The following KIAA1217 variants were observed in gnomAD, a reference collection of about 807,000 sequenced individuals.
KIAA1217 encodes the protein KIAA1217, also known as sickle tail protein homolog.
Under a neutral mutation model 163.9 loss-of-function variants are expected in KIAA1217, and 88 were observed. The ratio of observed to expected loss-of-function variants is 0.54; its 90% CI spans 0.45 to 0.64. The LOEUF (loss-of-function observed/expected upper bound fraction) is 0.64, where lower values mean the gene tolerates loss of function less well. Among genes scored for constraint, KIAA1217 ranks in the 30% least tolerant of loss-of-function variants. The pLI, the probability that KIAA1217 is intolerant of heterozygous loss-of-function variation, is 0.00. For missense variants in KIAA1217, 2,372 were observed against 2,475.0 expected, an observed-to-expected ratio of 0.96 and a Z score of 0.88; for synonymous variants, 903 against 923.1, an observed-to-expected ratio of 0.98 and a Z score of 0.39.
intron 2 of KIAA1217, among the ~76,000 whole-genome samples, chr10:24,319,923 A>C (rs2043920085): frequency 6.6e-6 from 1 of 152,246 alleles, no homozygotes. Context: ...TACATTCGGG[A>C]AAATGTTTCC....
At chr10:24,492,735 A>G (rs199763046) in intron 6 of KIAA1217, among the ~76,000 whole-genome samples, 26 of 152,274 alleles carry the variant, frequency 1.7e-4, no homozygotes, top group East Asian at 1.4e-3. Context: ...CAAGGCCGCA[A>G]TGCTTGAGTT....
intron 1 of KIAA1217, among the ~76,000 whole-genome samples, chr10:23,696,281 C>T (rs955130895): frequency 1.3e-5 from 2 of 152,216 alleles, no homozygotes; most frequent in African/African-American, 2.4e-5. Flanking sequence ...GGCCAGCTCG[C>T]CTACCCTGCT....
intron 2 of KIAA1217, among the ~76,000 whole-genome samples, chr10:24,317,249 C>A (rs1038448424): frequency 6.6e-6 from 1 of 152,018 alleles, no homozygotes; most frequent in Non-Finnish European, 1.5e-5. Flanking sequence ...TGACAAGGGT[C>A]TTTTGTCCGC....
chr10:24,033,801 G>A (rs373749295), intron 2 of KIAA1217, among the ~76,000 whole-genome samples: 9 of 152,304 alleles, frequency 5.9e-5, no homozygotes, highest in African/African-American at 1.9e-4. Flanking sequence ...TACAAACAAA[G>A]TTTTATTGGA....
chr10:23,748,953 G>A (rs566290584), intron 1 of KIAA1217, among the ~76,000 whole-genome samples: 1 of 152,238 alleles, frequency 6.6e-6, no homozygotes, highest in East Asian at 1.9e-4. Flanking sequence ...CTCAATACTA[G>A]TGAACTTCAT....
chr10:24,280,534 G>C (rs184562330), intron 2 of KIAA1217, among the ~76,000 whole-genome samples: 113 of 152,268 alleles, frequency 7.4e-4, no homozygotes, highest in African/African-American at 2.6e-3. Context: ...AAACCTGGCC[G>C]GGCGTGGTGA....
At chr10:24,292,856 G>A (rs1313409419) in intron 2 of KIAA1217, among the ~76,000 whole-genome samples, 3 of 151,724 alleles carry the variant, frequency 2.0e-5, no homozygotes, top group South Asian at 2.1e-4. Context: ...AATCCTGAGC[G>A]CATCCTGGAT....
At chr10:24,111,903 C>T (rs370435312) in intron 2 of KIAA1217, among the ~76,000 whole-genome samples, 1 of 152,112 alleles carries the variant, frequency 6.6e-6, no homozygotes, top group Non-Finnish European at 1.5e-5. Flanking sequence ...ATGTAGCTGG[C>T]ACCACAGGCA....
chr10:23,958,685 T>C (rs1475398282), intron 1 of KIAA1217, among the ~76,000 whole-genome samples: 1 of 151,308 alleles, frequency 6.6e-6, no homozygotes, highest in Non-Finnish European at 1.5e-5. Flanking sequence ...GAGTGAGAGA[T>C]TGTTTGGTTG....
At chr10:23,716,100 C>T (rs1837551464) in intron 1 of KIAA1217, among the ~76,000 whole-genome samples, 1 of 152,240 alleles carries the variant, frequency 6.6e-6, no homozygotes, top group East Asian at 1.9e-4. Flanking sequence ...ACTAACGCTG[C>T]ATGCAAGAGA....
At chr10:24,409,087 A>C (rs975434472) in intron 3 of KIAA1217, among the ~76,000 whole-genome samples, 2 of 152,158 alleles carry the variant, frequency 1.3e-5, no homozygotes, top group Non-Finnish European at 2.9e-5. Context: ...TTTTACATAC[A>C]CAGTCTTATT....
intron 2 of KIAA1217, among the ~76,000 whole-genome samples, chr10:24,379,584 C>T (rs971493557): frequency 6.6e-6 from 1 of 152,064 alleles, no homozygotes; most frequent in Non-Finnish European, 1.5e-5. Flanking sequence ...CTGGATAATG[C>T]AATTGGTTCT....
intron 1 of KIAA1217, among the ~76,000 whole-genome samples, chr10:23,811,635 A>T (rs138295883): frequency 6.6e-6 from 1 of 151,958 alleles, no homozygotes; most frequent in Non-Finnish European, 1.5e-5. Flanking sequence ...TAGATGTACA[A>T]CTTGGGAAAT....
chr10:23,971,663 C>G (rs1328302149), intron 1 of KIAA1217, among the ~76,000 whole-genome samples: 1 of 152,152 alleles, frequency 6.6e-6, no homozygotes, highest in Non-Finnish European at 1.5e-5. Flanking sequence ...AGTATTTTAC[C>G]CTAAAATTTA....
intron 1 of KIAA1217, among the ~76,000 whole-genome samples, chr10:23,839,906 G>T (rs1182817293): frequency 2.6e-5 from 4 of 152,118 alleles, no homozygotes; most frequent in African/African-American, 9.7e-5. Flanking sequence ...AATGAGTACA[G>T]AAAAGAAGGG....
chr10:24,474,584 T>G (rs1273331244), intron 6 of KIAA1217, among the ~76,000 whole-genome samples: 1 of 152,210 alleles, frequency 6.6e-6, no homozygotes, highest in Non-Finnish European at 1.5e-5. Context: ...ACATCTGAAT[T>G]TGCATGAAAA....
chr10:23,714,930 G>C (rs1363777539), intron 1 of KIAA1217, among the ~76,000 whole-genome samples: 1 of 152,144 alleles, frequency 6.6e-6, no homozygotes, highest in South Asian at 2.1e-4. Flanking sequence ...TAGCTCTAGA[G>C]GGAATGTGCA....
chr10:24,421,719 A>G (rs951647617), intron 3 of KIAA1217, among the ~76,000 whole-genome samples: 3 of 152,164 alleles, frequency 2.0e-5, no homozygotes, highest in African/African-American at 7.2e-5. Context: ...CATTTAGCTG[A>G]CTCTGTTAAG....
rs185040508 is a variant in KIAA1217 at position 24,518,785 on chromosome 10, G to A, written c.2178-1338G>A. On this transcript the variant is annotated intron_variant, in intron 10 of 20. Transcript: ENST00000376454. Reference sequence around the variant, plus strand: ...GAAGTTTCCCGTGGGTGTGTTCACAGAACACTGGGCCCCTTTCCATAGTTC... The same window carrying A: ...GAAGTTTCCCGTGGGTGTGTTCACAAAACACTGGGCCCCTTTCCATAGTTC... 5.2e-3 allele frequency among the ~76,000 whole-genome samples: 799 copies of A among 152,336 alleles called. 2 individuals carry two copies. Among genetic ancestry groups the A allele is most frequent in the Non-Finnish European group, 8.4e-3 (573 of 68,034 alleles).
Sources: gnomAD v4.1 joint callset for allele counts (sites outside exome capture counted in the v4.1 genomes callset) on GRCh38, gnomAD v4.1.1 for gene constraint, MANE v1.5 for transcripts, NCBI Gene and HGNC (gene_info 2026-07-23, HGNC 2026-07-21) for gene names.